Variants in RPS6KA3 observed in about 807,000 individuals in gnomAD.
RPS6KA3 encodes ribosomal protein S6 kinase A3.
Under a neutral mutation model 67.2 loss-of-function variants are expected in RPS6KA3, and 4 were observed. The ratio of observed to expected loss-of-function variants is 0.06; its 90% CI spans 0.03 to 0.14. The LOEUF is 0.14. Ranked by LOEUF, RPS6KA3 falls within the 10% of genes least tolerant of loss-of-function variation. The pLI is 1.00. For synonymous variants in RPS6KA3, 182 were observed against 183.7 expected (o/e 0.99, Z 0.07); for missense variants, 204 against 559.0 (o/e 0.36, Z 6.40).
At chrX:20,227,301 A>C (rs1245452064) in intron 2 of RPS6KA3, among the ~76,000 whole-genome samples, 1 of 111,733 alleles carries the variant, frequency 8.9e-6, no homozygotes, top group Non-Finnish European at 1.9e-5. Context: ...GTAGTACTGG[A>C]TCTTTTGTTG....
intron 1 of RPS6KA3, among the ~76,000 whole-genome samples, chrX:20,263,863 C>T (rs1205242486): frequency 3.6e-5 from 4 of 111,214 alleles, no homozygotes; most frequent in Non-Finnish European, 5.7e-5. Flanking sequence ...TCACAGTGTA[C>T]TAGGGATGAG....
chrX:20,182,251 C>T (rs909667525), intron 10 of RPS6KA3, among the ~76,000 whole-genome samples: 4 of 111,804 alleles, frequency 3.6e-5, no homozygotes, highest in Non-Finnish European at 7.5e-5. Context: ...ACCCTAAAAA[C>T]TATGCTTTAG....
chrX:20,203,672 G>C (rs1191356510), intron 4 of RPS6KA3: 4 of 154,468 alleles, frequency 2.6e-5, no homozygotes, highest in African/African-American at 9.5e-5. Flanking sequence ...AAGTCCTTTA[G>C]AATAAAAGCT....
chrX:20,219,581 G>C (rs1234454839), intron 2 of RPS6KA3, among the ~76,000 whole-genome samples: 1 of 111,576 alleles, frequency 9.0e-6, no homozygotes, highest in Non-Finnish European at 1.9e-5. Flanking sequence ...CACATTCCTA[G>C]TTGATAAAAT....
At chrX:20,229,753 A>C (rs2069214114) in intron 2 of RPS6KA3, among the ~76,000 whole-genome samples, 1 of 112,231 alleles carries the variant, frequency 8.9e-6, no homozygotes, top group Non-Finnish European at 1.9e-5. Context: ...TCATTAAATA[A>C]ATATTAAATA....
At chrX:20,208,628 G>A (rs1410939706) in intron 3 of RPS6KA3, among the ~76,000 whole-genome samples, 2 of 110,959 alleles carry the variant, frequency 1.8e-5, no homozygotes, top group African/African-American at 6.6e-5. Flanking sequence ...TGAGGCTGGA[G>A]AATTGCTTGA....
At chrX:20,195,375 T>C (rs1370039771) in intron 4 of RPS6KA3, among the ~76,000 whole-genome samples, 1 of 111,911 alleles carries the variant, frequency 8.9e-6, no homozygotes, top group Non-Finnish European at 1.9e-5. Flanking sequence ...GGAAAAAATA[T>C]AGAGAAAATA....
intron 4 of RPS6KA3, among the ~76,000 whole-genome samples, chrX:20,198,677 T>C (rs1195201657): frequency 8.9e-6 from 1 of 111,754 alleles, no homozygotes; most frequent in Admixed American, 9.5e-5. Flanking sequence ...AAGAAAGAGT[T>C]CATAGATGAA....
At chrX:20,184,961 T>C (rs975343404) in intron 10 of RPS6KA3, among the ~76,000 whole-genome samples, 1 of 111,584 alleles carries the variant, frequency 9.0e-6, no homozygotes, top group African/African-American at 3.3e-5. Context: ...CATTTTTTTT[T>C]TGAGATGAAA....
At chrX:20,266,425 C>T in intron 1 of RPS6KA3, 139 bp downstream of exon 1, 1 of 515,454 alleles carries the variant, frequency 1.9e-6, no homozygotes, top group Non-Finnish European at 3.3e-6. Context: ...ACCCCAACAA[C>T]CCAAACCAAA....
chrX:20,266,213 C>G lies in RPS6KA3; in HGVS notation c.69+351G>C, dbSNP rs1349598784. 2.8e-5 allele frequency: 5 copies of G among 180,947 alleles called. No homozygotes were observed. The East Asian group carries it at 8.2e-4, about 30-fold the overall frequency. 14.9% of individuals were successfully genotyped at this position (180,947 alleles called of 1,213,427 possible). On this transcript the variant is annotated intron_variant, in intron 1 of 21. Coordinates refer to ENST00000379565, the MANE Select transcript of RPS6KA3 (RefSeq NM_004586.3). ...GCCAAGGTCCGGGAAAGCCCCCGACCCGGCTGGGCCAAACTTCCCAACTCC... is the reference window on the plus strand; with the variant it reads ...GCCAAGGTCCGGGAAAGCCCCCGACGCGGCTGGGCCAAACTTCCCAACTCC...
intron 2 of RPS6KA3, among the ~76,000 whole-genome samples, chrX:20,214,345 C>T (rs1300706828): frequency 8.9e-6 from 1 of 112,451 alleles, no homozygotes; most frequent in Non-Finnish European, 1.9e-5. Flanking sequence ...AGAAAACTTT[C>T]TGAACCTCAC....
chrX:20,154,854 TTAA>T lies in RPS6KA3; in HGVS notation c.*541_*543del, dbSNP rs768138743. 0.011 allele frequency: 1,285 copies of T among 118,908 alleles called. 6 individuals carry two copies. Among genetic ancestry groups the T allele is most frequent in the Middle Eastern group, 0.014 (3 of 221 alleles). 9.8% of individuals were successfully genotyped at this position (118,908 alleles called of 1,213,427 possible). A position where few individuals can be genotyped will look rare whatever the true frequency, so the allele number is the denominator to read the frequency against. ...TTAACCAGATTTAATAGTCAATTGATTAATAATAATAGATTCCAAGTTAAACAA... is the reference window on the plus strand; with the variant it reads ...TTAACCAGATTTAATAGTCAATTGATTAATAATAGATTCCAAGTTAAACAA... On this transcript the variant is annotated 3_prime_UTR_variant, in exon 22 of 22. Coordinates refer to ENST00000379565, the MANE Select transcript of RPS6KA3 (RefSeq NM_004586.3).
intron 15 of RPS6KA3, among the ~76,000 whole-genome samples, chrX:20,172,383 T>C (rs1191845160): frequency 8.9e-6 from 1 of 112,071 alleles, no homozygotes; most frequent in East Asian, 2.8e-4. Flanking sequence ...GTATGAACTT[T>C]TTGCCAGAGA....
chrX:20,215,491 A>G (rs776458297), intron 2 of RPS6KA3, among the ~76,000 whole-genome samples: 69 of 111,703 alleles, frequency 6.2e-4, no homozygotes, highest in African/African-American at 2.2e-3. Context: ...TCTAAGTTTA[A>G]ATTTCATAAG....
intron 4 of RPS6KA3, among the ~76,000 whole-genome samples, chrX:20,197,067 T>C (rs923910078): frequency 1.8e-5 from 2 of 112,417 alleles, no homozygotes; most frequent in African/African-American, 6.5e-5. Flanking sequence ...CTCTAACTCC[T>C]GACCTCAGGT....
At chrX:20,233,600 A>G (rs1194988796) in intron 2 of RPS6KA3, among the ~76,000 whole-genome samples, 1 of 109,758 alleles carries the variant, frequency 9.1e-6, no homozygotes, top group Non-Finnish European at 1.9e-5. Context: ...TTAAAAAAAA[A>G]ATTAGCTGGG....
chrX:20,155,549 A>G, intron 21 of RPS6KA3, 29 bp from the exon 22 acceptor site: 1 of 1,202,942 alleles, frequency 8.3e-7, no homozygotes, highest in Non-Finnish European at 1.1e-6. Context: ...GGTAGTAACA[A>G]AAGTGACAAT....
chrX:20,195,042 T>C (rs777557805), intron 5 of RPS6KA3, 23 bp downstream of exon 5: 54 of 1,014,301 alleles, frequency 5.3e-5, no homozygotes, highest in Non-Finnish European at 7.0e-5. Flanking sequence ...CAAGGGATGA[T>C]GTGGGAGACG....
Sources: allele counts gnomAD v4.1 joint callset (sites outside exome capture counted in the v4.1 genomes callset), GRCh38; gene constraint gnomAD v4.1.1; transcripts MANE v1.5; gene names NCBI Gene and HGNC (gene_info 2026-07-23, HGNC 2026-07-21).